The following ARHGEF25 variants were observed in gnomAD, a reference collection of about 807,000 sequenced individuals.
ARHGEF25 encodes the protein RAC/CDC42 exchange factor.
A neutral mutation model predicts 74.0 loss-of-function variants in ARHGEF25; 42 were observed. The ratio of observed to expected loss-of-function variants is 0.57; its 90% CI spans 0.44 to 0.73. The LOEUF (loss-of-function observed/expected upper bound fraction) is 0.73. Among genes scored for constraint, ARHGEF25 ranks in the 30% least tolerant of loss-of-function variants. ARHGEF25 has a pLI of 0.00. For missense variants in ARHGEF25, 645 were observed against 725.5 expected, an observed-to-expected ratio of 0.89 and a Z score of 1.27; for synonymous variants, 293 against 278.6, an observed-to-expected ratio of 1.05 and a Z score of -0.51.
chr12:57,611,704 A>T lies in ARHGEF25; in HGVS notation c.-191A>T, dbSNP rs1163954540. 3 of 1,140,344 alleles carry T rather than the reference A, an allele frequency of 2.6e-6. No homozygotes were observed. The highest frequency in any genetic ancestry group is 3.2e-6 in the Non-Finnish European group (3 of 931,134). The allele number at this position is 1,140,344 out of a possible 1,614,324, so 70.6% of individuals were successfully genotyped here. On this transcript the variant is annotated 5_prime_UTR_variant, in exon 1 of 15. Coordinates refer to ENST00000286494, the MANE Select transcript of ARHGEF25 (RefSeq NM_182947.4). This position sits in a 1 kb window ranked among gnomAD's most constrained non-coding sequence, Gnocchi z 4.5. Reference sequence around the variant, plus strand: ...GCGCCTCTCTCTCTCTAGAGCCCCCAGCCCTCCTCAAGACTAGACTTCCGC... The same window carrying T: ...GCGCCTCTCTCTCTCTAGAGCCCCCTGCCCTCCTCAAGACTAGACTTCCGC...
upstream of ARHGEF25, among the ~76,000 whole-genome samples, chr12:57,611,253 C>A (rs933266682): frequency 6.6e-6 from 1 of 152,092 alleles, no homozygotes; most frequent in Non-Finnish European, 1.5e-5. This position sits in a 1 kb window ranked among gnomAD's most constrained non-coding sequence, Gnocchi z 4.5. Flanking sequence ...GACCCCGGGG[C>A]AGGGGAGCAC....
chr12:57,614,295 G>C lies in ARHGEF25; in HGVS notation c.657-36G>C. 6.2e-7 allele frequency: 1 copy of C among 1,612,354 alleles called. No individual in the cohort carries two copies. Among genetic ancestry groups the C allele is most frequent in the Non-Finnish European group, 8.5e-7 (1 of 1,178,396 alleles). On this transcript the variant is annotated intron_variant, in intron 6 of 14. Transcript: ENST00000286494. The surrounding 1 kb of genome is among the most constrained non-coding windows in gnomAD (Gnocchi z 4.6). ...GTGGGCGAGGTGGGGGTTGTGAAAT[G>C]TATTTGACCTGCTGCTTCTCTACCA...
Position 57,614,955 on chromosome 12 carries a change from T to A in ARHGEF25, c.910-12T>A. Reference sequence around the variant, plus strand: ...TCGTGACCTCCCTGAGCATTTCTTCTCTCTGTCTTAGGATTTTCTCAAGTA... The same window carrying A: ...TCGTGACCTCCCTGAGCATTTCTTCACTCTGTCTTAGGATTTTCTCAAGTA... On this transcript the variant is annotated splice_polypyrimidine_tract_variant and intron_variant, in intron 9 of 14. Transcript: ENST00000286494. This position sits in a 1 kb window ranked among gnomAD's most constrained non-coding sequence, Gnocchi z 4.6. 6.2e-7 allele frequency: 1 copy of A among 1,613,994 alleles called. No homozygotes were observed. The highest frequency in any genetic ancestry group is 1.1e-5 in the South Asian group (1 of 91,058).
At position 57,614,200 on chromosome 12, in the gene ARHGEF25, C is replaced by A; in HGVS notation, c.656+81C>A. The A allele has an allele frequency of 1.9e-6, 3 of 1,579,350 alleles. No individual in the cohort carries two copies. Among genetic ancestry groups the A allele is most frequent in the Middle Eastern group, 1.7e-4 (1 of 5,982 alleles). ...CCTGTATCCTAACATCAGCCCATTG[C>A]GACTTAAGGAATGTTTGGAGAAGTT... On this transcript the variant is annotated intron_variant, in intron 6 of 14. Coordinates refer to ENST00000286494, the MANE Select transcript of ARHGEF25 (RefSeq NM_182947.4). This position sits in a 1 kb window ranked among gnomAD's most constrained non-coding sequence, Gnocchi z 4.6.
chr12:57,615,850 G>T lies in ARHGEF25; in HGVS notation c.1253G>T (p.Gly418Val). 6.2e-7 allele frequency: 1 copy of T among 1,613,848 alleles called. No individual in the cohort carries two copies. Among genetic ancestry groups the T allele is most frequent in the South Asian group, 1.1e-5 (1 of 91,042 alleles). ...CTGCCAATTCAGGTGAGCTGCCTGG[G>T]ACTGGAGGGGAACCTCCAAGGTGAC... ...YKNSIKVSCL[G>V]LEGNLQGDPC... Residue 418 changes from glycine (G) to valine (V), a missense_variant, in exon 13 of 15, where the codon GGA becomes GTA. By Grantham distance (109) the Gly-to-Val change is moderately radical (BLOSUM62 -3). Coordinates refer to ENST00000286494, the MANE Select transcript of ARHGEF25 (RefSeq NM_182947.4).
At chr12:57,615,132 G>T (rs934330530) in intron 10 of ARHGEF25, 105 bp from the exon 11 acceptor site, 35 of 1,558,728 alleles carry the variant, frequency 2.2e-5, no homozygotes, top group Non-Finnish European at 2.6e-5. Context: ...GGGGGAGGCT[G>T]GTTGGGGTTG....
chr12:57,611,253 C>CAGGGGAGCACGGGCTGGGG (rs559870039), upstream of ARHGEF25, among the ~76,000 whole-genome samples: 917 of 152,204 alleles, frequency 6.0e-3, 11 homozygotes, highest in African/African-American at 0.021. This position sits in a 1 kb window ranked among gnomAD's most constrained non-coding sequence, Gnocchi z 4.5. Context: ...GACCCCGGGG[C>CAGGGGAGCACGGGCTGGGG]AGGGGAGCAC....
chr12:57,616,413 C>A lies in ARHGEF25; in HGVS notation c.1550C>A (p.Thr517Lys). ...LGDQAQGSTHTPINGSLPSLL... is the reference protein window; with the variant it reads ...LGDQAQGSTHKPINGSLPSLL... ...GATCAGGCCCAGGGCAGCACACACA[C>A]ACCCATCAATGGCTCTCTCCCCTCT... Residue 517 changes from threonine (T) to lysine (K), a missense_variant, in exon 14 of 15, where the codon ACA (threonine) becomes AAA (lysine). By Grantham distance (78) the Thr-to-Lys change is moderately conservative. Around this residue, in one of 3 missense-constraint regions of ARHGEF25, gnomAD observed 262 missense variants for 256.9 expected, o/e 1.02. Coordinates refer to ENST00000286494, the MANE Select transcript of ARHGEF25 (RefSeq NM_182947.4). 2 of 1,614,182 alleles carry A rather than the reference C, an allele frequency of 1.2e-6. No homozygotes were observed. The highest frequency in any genetic ancestry group is 1.7e-6 in the Non-Finnish European group (2 of 1,180,036).
At position 57,613,508 on chromosome 12, in the gene ARHGEF25, A is replaced by G. The variant is rs1240221747; in HGVS notation, c.477A>G (p.Glu159=). The G allele has an allele frequency of 1.9e-6, 3 of 1,614,234 alleles. No homozygotes were observed. The highest frequency in any genetic ancestry group is 2.5e-6 in the Non-Finnish European group (3 of 1,180,046). ...AGGAACAGAAGAAGAAGGCTCTGGA[A>G]AGGAGTATGTAAGTGTCCACAGCCC... The part of the protein sequence containing the change: ...SEEEQKKKAL[E]RSMYVLSELV... Residue 159 remains glutamate (E), a synonymous_variant, in exon 4 of 15, where the codon GAA becomes GAG. Transcript: ENST00000286494.
At chr12:57,610,766 C>G, upstream of ARHGEF25, 1 of 1,207,472 alleles carries the variant, frequency 8.3e-7, no homozygotes. Flanking sequence ...TTCTTATTAG[C>G]ATAAAGTTCG....
rs1454324920 is a variant in ARHGEF25 at position 57,611,757 on chromosome 12, C to T, written c.-138C>T. On this transcript the variant is annotated 5_prime_UTR_variant, in exon 1 of 15. Transcript: ENST00000286494. This position sits in a 1 kb window ranked among gnomAD's most constrained non-coding sequence, Gnocchi z 4.5. ...ACCCCTGGACACCTCCTCCCGGTCC[C>T]CTCCCTCCCCCCCTCCCACAGCCTG... 6 of 1,169,430 alleles carry T rather than the reference C, an allele frequency of 5.1e-6. No individual in the cohort carries two copies. The highest frequency in any genetic ancestry group is 1.6e-5 in the African/African-American group (1 of 62,708). The allele number at this position is 1,169,430 out of a possible 1,614,324, so 72.4% of individuals were successfully genotyped here.
At position 57,614,025 on chromosome 12, in the gene ARHGEF25, G is replaced by C; in HGVS notation, c.562G>C (p.Ala188Pro). The C allele has an allele frequency of 6.2e-7, 1 of 1,614,086 alleles. No individual in the cohort carries two copies. Among genetic ancestry groups the C allele is most frequent in the African/African-American group, 1.3e-5 (1 of 75,014 alleles). ...DLGQIVEGYM[A>P]TMAAQGVPES... ...CTCAACTTTCCCACAGGGTTATATG[G>C]CCACCATGGCTGCTCAGGGGGTCCC... Residue 188 changes from alanine to proline, a missense_variant, in exon 6 of 15, where the codon GCC becomes CCC. By Grantham distance (27) the Ala-to-Pro change is conservative. Around this residue, in one of 3 missense-constraint regions of ARHGEF25, gnomAD observed 194 missense variants for 269.4 expected, o/e 0.72. Coordinates refer to ENST00000286494, the MANE Select transcript of ARHGEF25 (RefSeq NM_182947.4). This position sits in a 1 kb window ranked among gnomAD's most constrained non-coding sequence, Gnocchi z 4.6.
In ARHGEF25 at chr12:57,614,506, C is replaced by G. The variant is rs1396812566; in HGVS notation, c.727-10C>G. ...CCACCCTGCTCTCTCTTAAACATTA[C>G]CCCTGTTAGGAGCGCCGGCTGCATA... On this transcript the variant is annotated splice_polypyrimidine_tract_variant and intron_variant, in intron 7 of 14. Coordinates refer to ENST00000286494, the MANE Select transcript of ARHGEF25 (RefSeq NM_182947.4). This position sits in a 1 kb window ranked among gnomAD's most constrained non-coding sequence, Gnocchi z 4.6. 2.5e-6 allele frequency: 4 copies of G among 1,614,120 alleles called. No homozygotes were observed. Among genetic ancestry groups the G allele is most frequent in the Non-Finnish European group, 3.4e-6 (4 of 1,180,014 alleles).
In ARHGEF25 at chr12:57,614,037, G is replaced by T. The variant is rs1341956486; in HGVS notation, c.574G>T (p.Ala192Ser). ...ACAGGGTTATATGGCCACCATGGCT[G>T]CTCAGGGGGTCCCCGAGAGTCTTCG... ...IVEGYMATMA[A>S]QGVPESLRGR... Residue 192 changes from alanine to serine, a missense_variant, in exon 6 of 15, where the codon GCT becomes TCT. Physicochemically the swap from Ala to Ser is moderately conservative, Grantham distance 99. Coordinates refer to ENST00000286494, the MANE Select transcript of ARHGEF25 (RefSeq NM_182947.4). This position sits in a 1 kb window ranked among gnomAD's most constrained non-coding sequence, Gnocchi z 4.6. The T allele has an allele frequency of 1.2e-6, 2 of 1,614,014 alleles. No homozygotes were observed. Among genetic ancestry groups the T allele is most frequent in the African/African-American group, 2.7e-5 (2 of 74,908 alleles).
chr12:57,612,723 G>C lies in ARHGEF25; in HGVS notation c.98-207G>C, dbSNP rs1347449821. On this transcript the variant is annotated intron_variant, in intron 1 of 14. Transcript: ENST00000286494. The stretch of plus-strand genomic sequence containing the variant: ...TAACTGGGGGTTCCAGGCCTGGAGA[G>C]CCAGGCGTTTACCTTACTGTGCTTT... 26 of 1,446,106 alleles carry C rather than the reference G, an allele frequency of 1.8e-5. No homozygotes were observed. The East Asian group carries it at 3.7e-4, about 21-fold the overall frequency. 89.6% of individuals were successfully genotyped at this position (1,446,106 alleles called of 1,614,324 possible). A position where few individuals can be genotyped will look rare whatever the true frequency, so the allele number is the denominator to read the frequency against.
upstream of ARHGEF25, chr12:57,611,331 A>G (rs981667674): frequency 1.8e-6 from 1 of 566,724 alleles, no homozygotes; most frequent in Non-Finnish European, 2.2e-6. This position sits in a 1 kb window ranked among gnomAD's most constrained non-coding sequence, Gnocchi z 4.5. Flanking sequence ...GGGAGGGGCG[A>G]TCGGGGCGGG....
chr12:57,610,496 G>A, upstream of ARHGEF25: 1 of 1,315,202 alleles, frequency 7.6e-7, no homozygotes, highest in East Asian at 2.4e-5. Context: ...GGTTTTGACA[G>A]GTAGGAGAAG....
rs200472423 is a variant in ARHGEF25, at chr12:57,612,945, C to A, written c.113C>A (p.Ala38Glu). The A allele has an allele frequency of 2.5e-6, 4 of 1,613,934 alleles. No individual in the cohort carries two copies. The change falls in exon 2 of 15, where the codon GCG becomes GAG. Residue 38 changes from alanine (A) to glutamate (E), a missense_variant. This residue lies in a region of ARHGEF25 where 189 missense variants were observed against 199.1 expected (regional missense o/e 0.95). Transcript: ENST00000286494. ...CTCCCATTAGAATCCTATTCCATTG[C>A]GGGCAGTGAGGGGAGTATATCGGCT... is the stretch of plus-strand genomic sequence containing the variant. The part of the protein sequence containing the change: ...ARGGRESYSI[A>E]GSEGSISASA...
At position 57,612,953 on chromosome 12, in the gene ARHGEF25, G is replaced by C; in HGVS notation, c.121G>C (p.Glu41Gln). 6.2e-7 allele frequency: 1 copy of C among 1,614,112 alleles called. No individual in the cohort carries two copies. The highest frequency in any genetic ancestry group is 8.5e-7 in the Non-Finnish European group (1 of 1,179,992). The change falls in exon 2 of 15, where the codon GAG becomes CAG. Residue 41 changes from glutamate (E) to glutamine (Q), a missense_variant. Transcript: ENST00000286494. Reference protein sequence around the residue: ...GRESYSIAGSEGSISASAASG... With the variant: ...GRESYSIAGSQGSISASAASG... ...AGAATCCTATTCCATTGCGGGCAGT[G>C]AGGGGAGTATATCGGCTTCTGCTGC...
Sources: allele counts gnomAD v4.1 joint callset (sites outside exome capture counted in the v4.1 genomes callset), GRCh38; gene constraint gnomAD v4.1.1; regional missense constraint gnomAD v4.1.1; non-coding constraint Gnocchi (gnomAD v3.1); transcripts MANE v1.5; gene names NCBI Gene and HGNC (gene_info 2026-07-23, HGNC 2026-07-21).